The following TRIO variants were observed in gnomAD, a reference collection of about 807,000 sequenced individuals.
TRIO encodes trio Rho guanine nucleotide exchange factor, also known as triple functional domain protein.
TRIO carries 58 observed loss-of-function variants against 351.9 expected under a neutral mutation model. That is an observed-to-expected ratio of 0.16 (90% CI 0.13 to 0.21). TRIO has a LOEUF of 0.21. TRIO is among the 10% of genes least tolerant of loss of function. The pLI, the probability that TRIO is intolerant of heterozygous loss-of-function variation, is 1.00. For synonymous variants in TRIO, 1,758 were observed against 1,595.7 expected, an observed-to-expected ratio of 1.10 and a Z score of -2.42; for missense variants, 3,201 against 4,027.8, an observed-to-expected ratio of 0.79 and a Z score of 5.56.
At chr5:14,161,291 G>C (rs772433238) in intron 1 of TRIO, among the ~76,000 whole-genome samples, 8 of 152,128 alleles carry the variant, frequency 5.3e-5, no homozygotes, top group Non-Finnish European at 1.0e-4. Context: ...GCCCCTGTTG[G>C]CCTGTGTGTC....
At chr5:14,400,482 A>G (rs1249597395) in intron 30 of TRIO, among the ~76,000 whole-genome samples, 3 of 152,214 alleles carry the variant, frequency 2.0e-5, no homozygotes, top group Non-Finnish European at 2.9e-5. Context: ...CGTTAAAATT[A>G]TTGATGAAAT....
chr5:14,400,330 T>G (rs1747964741), intron 30 of TRIO, among the ~76,000 whole-genome samples: 1 of 152,160 alleles, frequency 6.6e-6, no homozygotes, highest in East Asian at 1.9e-4. Flanking sequence ...CCTCTGGAGC[T>G]CTGGATGATG....
At chr5:14,243,141 A>G (rs1794228828) in intron 1 of TRIO, among the ~76,000 whole-genome samples, 1 of 151,888 alleles carries the variant, frequency 6.6e-6, no homozygotes, top group African/African-American at 2.4e-5. Flanking sequence ...AATTCCGGGC[A>G]CTCCCATTAC....
intron 41 of TRIO, among the ~76,000 whole-genome samples, chr5:14,477,497 T>C (rs564497445): frequency 9.2e-5 from 14 of 152,248 alleles, no homozygotes; most frequent in Non-Finnish European, 1.8e-4. Context: ...CTGTGTTTTT[T>C]GGTTCAAGTA....
chr5:14,229,874 T>A (rs772048496), intron 1 of TRIO, among the ~76,000 whole-genome samples: 4 of 152,240 alleles, frequency 2.6e-5, no homozygotes, highest in Non-Finnish European at 4.4e-5. Flanking sequence ...AATGCAGGTC[T>A]GCTATGAGAA....
intron 7 of TRIO, among the ~76,000 whole-genome samples, chr5:14,299,188 G>C (rs969558135): frequency 2.0e-5 from 3 of 152,130 alleles, no homozygotes; most frequent in African/African-American, 7.2e-5. Context: ...TAAACATACA[G>C]CAAAATTGAA....
intron 56 of TRIO, among the ~76,000 whole-genome samples, chr5:14,507,511 C>T (rs993696190): frequency 1.8e-4 from 28 of 152,174 alleles, no homozygotes; most frequent in African/African-American, 6.0e-4. Context: ...CAGAAAGTCC[C>T]CATGAGTTTT....
chr5:14,322,656 A>G (rs1739990323), intron 9 of TRIO, among the ~76,000 whole-genome samples: 1 of 152,208 alleles, frequency 6.6e-6, no homozygotes, highest in African/African-American at 2.4e-5. Flanking sequence ...TTTTAAGTGA[A>G]GTTTGAGTTC....
At chr5:14,378,631 C>A (rs1038182219) in intron 20 of TRIO, among the ~76,000 whole-genome samples, 3 of 151,882 alleles carry the variant, frequency 2.0e-5, no homozygotes, top group South Asian at 4.2e-4. Flanking sequence ...ACGGTCTCAG[C>A]TTACTGCAAC....
Position 14,309,516 on chromosome 5 carries a change from A to G in TRIO, c.1500+4924A>G, listed in dbSNP as rs16903381. 5.6e-3 allele frequency among the ~76,000 whole-genome samples: 847 copies of G among 152,282 alleles called. 8 individuals carry two copies. The highest frequency in any genetic ancestry group is 0.018 in the African/African-American group (762 of 41,554). The stretch of plus-strand genomic sequence containing the variant: ...AGTGATTTTTATTTTATATTCCTAA[A>G]TCAGTGGTTTGCAGACTTGAGTGTC... On this transcript the variant is annotated intron_variant, in intron 8 of 56. Coordinates refer to ENST00000344204, the MANE Select transcript of TRIO (RefSeq NM_007118.4).
intron 11 of TRIO, among the ~76,000 whole-genome samples, chr5:14,354,797 C>T (rs933865779): frequency 6.6e-6 from 1 of 152,002 alleles, no homozygotes; most frequent in Non-Finnish European, 1.5e-5. Context: ...ATTTTTTGTC[C>T]ATTGATTAGT....
intron 11 of TRIO, among the ~76,000 whole-genome samples, chr5:14,346,926 A>G (rs1240823522): frequency 6.6e-6 from 1 of 152,264 alleles, no homozygotes; most frequent in Non-Finnish European, 1.5e-5. Flanking sequence ...GACAGTCCTC[A>G]TACCCCACAG....
intron 20 of TRIO, 140 bp from the exon 21 acceptor site, chr5:14,380,990 A>G: frequency 8.6e-7 from 1 of 1,162,894 alleles, no homozygotes; most frequent in South Asian, 2.0e-5. Context: ...TATTTAAGAA[A>G]CTTGCCTCTC....
At chr5:14,236,173 T>TC (rs1449175508) in intron 1 of TRIO, among the ~76,000 whole-genome samples, 2 of 151,920 alleles carry the variant, frequency 1.3e-5, no homozygotes, top group African/African-American at 4.8e-5. Flanking sequence ...AAATAAAGCC[T>TC]CCCCACCCCA....
At chr5:14,440,323 T>C (rs918196594) in intron 34 of TRIO, among the ~76,000 whole-genome samples, 2 of 152,164 alleles carry the variant, frequency 1.3e-5, no homozygotes, top group African/African-American at 4.8e-5. Flanking sequence ...CCAGGTCTAG[T>C]GTGGAGGGCA....
chr5:14,387,395 C>T (rs373717776), intron 21 of TRIO, 43 bp from the exon 22 acceptor site: 352 of 1,550,080 alleles, frequency 2.3e-4, no homozygotes, highest in Middle Eastern at 3.5e-4. Flanking sequence ...TTCTGGCAGT[C>T]GGATTCATTT....
chr5:14,184,801 G>A (rs1279743780), intron 1 of TRIO, among the ~76,000 whole-genome samples: 3 of 152,156 alleles, frequency 2.0e-5, no homozygotes, highest in Non-Finnish European at 4.4e-5. Context: ...GGTCCAGTGC[G>A]GTTGCGGGGT....
intron 37 of TRIO, chr5:14,465,991 ACCCGAG>A (rs1754226567): frequency 1.0e-5 from 3 of 285,738 alleles, no homozygotes; most frequent in African/African-American, 6.4e-5. Flanking sequence ...ACAGCAGCTC[ACCCGAG>A]CCTTGGTGTT....
In TRIO at chr5:14,487,516, C is replaced by CGGCAGCGGT. The variant is rs1756024639; in HGVS notation, c.6891_6892insAGCGGTGGC (p.Gly2297_Gly2298insSerGlyGly). The CGGCAGCGGT allele has an allele frequency of 1.2e-6, 1 of 845,662 alleles. No individual in the cohort carries two copies. The highest frequency in any genetic ancestry group is 1.8e-5 in the African/African-American group (1 of 54,334). 52.4% of individuals were successfully genotyped at this position (845,662 alleles called of 1,614,324 possible). A position where few individuals can be genotyped will look rare whatever the true frequency, so the allele number is the denominator to read the frequency against. ...GGAACCACAGCGGGGGCGGCGGCGG[C>CGGCAGCGGT]GGCGGCAGCGGGGGCAGCGGCGGGG... is the stretch of plus-strand genomic sequence containing the variant. On this transcript the variant is annotated inframe_insertion, in exon 48 of 57. Coordinates refer to ENST00000344204, the MANE Select transcript of TRIO (RefSeq NM_007118.4).
Sources: allele counts gnomAD v4.1 joint callset (sites outside exome capture counted in the v4.1 genomes callset), GRCh38; gene constraint gnomAD v4.1.1; transcripts MANE v1.5; gene names NCBI Gene and HGNC (gene_info 2026-07-23, HGNC 2026-07-21).